The following LMO7 variants were observed in gnomAD, a reference collection of about 807,000 sequenced individuals.
LMO7 encodes the protein LIM domain only protein 7.
LMO7 carries 120 observed loss-of-function variants against 206.5 expected under a neutral mutation model. The ratio of observed to expected loss-of-function variants is 0.58; its 90% CI spans 0.50 to 0.68. The LOEUF (loss-of-function observed/expected upper bound fraction) is 0.68, where lower values mean the gene tolerates loss of function less well. Ranked by LOEUF, LMO7 falls within the 30% of genes least tolerant of loss-of-function variation. LMO7 has a pLI of 0.00. For missense variants in LMO7, 1,959 were observed against 1,957.9 expected, an observed-to-expected ratio of 1.00 and a Z score of -0.01; for synonymous variants, 706 against 681.5, an observed-to-expected ratio of 1.04 and a Z score of -0.56.
rs893814239 is a variant in LMO7 at position 75,789,389 on chromosome 13, G to A, written c.318-6012G>A. Among the ~76,000 whole-genome samples the A allele has an allele frequency of 3.9e-5, 6 of 152,128 alleles. No individual in the cohort carries two copies. In the South Asian group the frequency reaches 1.2e-3, roughly 32 times the overall value. On this transcript the variant is annotated intron_variant, in intron 4 of 30. Transcript: ENST00000377534. ...GATCAGGCCTTCCAGCGTTGCAAAT[G>A]AGAATGCTGGTACCTTGAGAAAGAG...
chr13:75,797,295 T>G (rs111811596), intron 6 of LMO7, among the ~76,000 whole-genome samples: 1 of 152,244 alleles, frequency 6.6e-6, no homozygotes, highest in Non-Finnish European at 1.5e-5. Flanking sequence ...TTAGAATCTT[T>G]TGTTTTATAC....
chr13:75,842,017 A>C (rs756412028), intron 24 of LMO7, 34 bp downstream of exon 24: 6 of 1,506,140 alleles, frequency 4.0e-6, no homozygotes, highest in Non-Finnish European at 3.6e-6. Flanking sequence ...ACAAAGGCTT[A>C]GCTGTATCCA....
In LMO7 at chr13:75,779,850, C is replaced by G. The variant is rs566834860; in HGVS notation, c.318-15551C>G. On this transcript the variant is annotated intron_variant, in intron 4 of 30. Coordinates refer to ENST00000377534, the MANE Select transcript of LMO7 (RefSeq NM_001306080.2). ...AGCCCCCAATATTTCAATGTAGGTT[C>G]TTTTCTATTTTCCCTAAGTGTCAGC... Among the ~76,000 whole-genome samples, 40 of 152,212 alleles carry G rather than the reference C, an allele frequency of 2.6e-4. No individual in the cohort carries two copies. In the South Asian group the frequency reaches 3.3e-3, roughly 13 times the overall value.
upstream of LMO7, among the ~76,000 whole-genome samples, chr13:75,633,270 CAA>C (rs1052033563): frequency 2.6e-5 from 4 of 152,118 alleles, no homozygotes; most frequent in Admixed American, 2.6e-4. Flanking sequence ...AGCCAAGAGG[CAA>C]AGAGATGGTT....
At chr13:75,753,203 TG>T (rs1787236702) in intron 3 of LMO7, among the ~76,000 whole-genome samples, 1 of 152,242 alleles carries the variant, frequency 6.6e-6, no homozygotes, top group Non-Finnish European at 1.5e-5. Context: ...TTCATATTTT[TG>T]TTGGCCATTT....
intron 15 of LMO7, among the ~76,000 whole-genome samples, chr13:75,830,532 C>G (rs2058562067): frequency 6.6e-6 from 1 of 152,220 alleles, no homozygotes. Context: ...CCATGTGGTC[C>G]TCTCCTCTTT....
At chr13:75,639,967 A>G (rs930244945) in intron 1 of LMO7, among the ~76,000 whole-genome samples, 1 of 152,042 alleles carries the variant, frequency 6.6e-6, no homozygotes, top group African/African-American at 2.4e-5. Flanking sequence ...GTCCTTCCTC[A>G]CTTCTAATTG....
At chr13:75,805,052 G>GC (rs11404729) in intron 8 of LMO7, 44,300 of 1,002,528 alleles carry the variant, frequency 0.044, 1,024 homozygotes, top group Non-Finnish European at 0.047. Flanking sequence ...TGAAAAAGAG[G>GC]CCCCAGAATT....
chr13:75,623,122 T>A (rs1271842142), intron 1 of LMO7: 6 of 486,464 alleles, frequency 1.2e-5, no homozygotes, highest in African/African-American at 1.0e-4. Context: ...GGGACCAGCA[T>A]TTATTTATTT....
intron 11 of LMO7, among the ~76,000 whole-genome samples, chr13:75,815,529 C>T (rs1214365664): frequency 3.3e-5 from 5 of 152,100 alleles, no homozygotes; most frequent in African/African-American, 7.2e-5. Flanking sequence ...AAACTTGAGA[C>T]GCCTATTAGA....
At chr13:75,769,129 G>A (rs2139963677) in intron 4 of LMO7, among the ~76,000 whole-genome samples, 1 of 152,100 alleles carries the variant, frequency 6.6e-6, no homozygotes, top group African/African-American at 2.4e-5. Context: ...TAAAAAAGTA[G>A]AACCTGACTA....
chr13:75,628,947 G>T (rs1566251432), intron 2 of LMO7, among the ~76,000 whole-genome samples: 3 of 152,160 alleles, frequency 2.0e-5, no homozygotes, highest in Non-Finnish European at 4.4e-5. Flanking sequence ...TTCTAACAAA[G>T]CCAGTTTCTT....
chr13:75,850,125 A>C (rs113281249), intron 27 of LMO7, among the ~76,000 whole-genome samples: 180 of 152,360 alleles, frequency 1.2e-3, no homozygotes, highest in African/African-American at 4.3e-3. Context: ...GTATAAAAAA[A>C]GAAAAAAGAC....
intron 1 of LMO7, among the ~76,000 whole-genome samples, chr13:75,684,336 A>C (rs1323031595): frequency 1.3e-5 from 2 of 152,132 alleles, no homozygotes; most frequent in African/African-American, 4.8e-5. Flanking sequence ...TCCGCCTCCC[A>C]GGTTCAAGCG....
At chr13:75,701,247 G>A (rs1241408225) in intron 1 of LMO7, among the ~76,000 whole-genome samples, 1 of 152,132 alleles carries the variant, frequency 6.6e-6, no homozygotes, top group African/African-American at 2.4e-5. Context: ...AAGAATTATT[G>A]CAGGAATTCT....
intron 17 of LMO7, 65 bp downstream of exon 17, chr13:75,834,452 T>G: frequency 8.0e-7 from 1 of 1,242,704 alleles, no homozygotes; most frequent in Non-Finnish European, 1.1e-6. Flanking sequence ...CAAGTGGTTC[T>G]AACAATTTGC....
chr13:75,621,878 G>A (rs764917751), intron 1 of LMO7: 1 of 1,572,648 alleles, frequency 6.4e-7, no homozygotes, highest in Middle Eastern at 1.7e-4. Flanking sequence ...GGTAATAATA[G>A]TTCCTTGAAT....
Position 75,713,221 on chromosome 13 carries a change from G to A in LMO7, c.109G>A (p.Ala37Thr), listed in dbSNP as rs747708993. Reference protein sequence around the residue: ...EKNFETKDFRASLENGVLLCD... With the variant: ...EKNFETKDFRTSLENGVLLCD... ...GAATTTTGAAACAAAAGATTTTCGA[G>A]CCTCTCTAGAAAATGGTGTTCTGCT... Residue 37 changes from alanine to threonine, a missense_variant, in exon 2 of 31, where the codon GCC becomes ACC. Transcript: ENST00000377534. 7 of 1,611,418 alleles carry A rather than the reference G, an allele frequency of 4.3e-6. No homozygotes were observed. The highest frequency in any genetic ancestry group is 5.1e-6 in the Non-Finnish European group (6 of 1,178,522).
At chr13:75,796,171 T>C (rs1026248924) in intron 5 of LMO7, among the ~76,000 whole-genome samples, 7 of 152,210 alleles carry the variant, frequency 4.6e-5, no homozygotes, top group African/African-American at 1.7e-4. Context: ...AATTCATCAA[T>C]GTAGACTCAT....
Sources: gnomAD v4.1 joint callset for allele counts (sites outside exome capture counted in the v4.1 genomes callset) on GRCh38, gnomAD v4.1.1 for gene constraint, MANE v1.5 for transcripts, NCBI Gene and HGNC (gene_info 2026-07-23, HGNC 2026-07-21) for gene names.